Variants in CLNK observed in about 807,000 individuals in gnomAD.
CLNK encodes the protein cytokine dependent hematopoietic cell linker.
CLNK carries 74 observed loss-of-function variants against 68.6 expected under a neutral mutation model. That is an observed-to-expected ratio of 1.08 (90% CI 0.89 to 1.31). The LOEUF (loss-of-function observed/expected upper bound fraction) is 1.31, where lower values mean the gene tolerates loss of function less well. CLNK is among the 50% of genes most tolerant of loss of function. CLNK has a pLI of 0.00. For synonymous variants in CLNK, 198 were observed against 172.2 expected, an observed-to-expected ratio of 1.15 and a Z score of -1.17; for missense variants, 553 against 515.3, an observed-to-expected ratio of 1.07 and a Z score of -0.71.
chr4:10,608,887 C>T (rs979822190), intron 2 of CLNK, among the ~76,000 whole-genome samples: 1 of 152,154 alleles, frequency 6.6e-6, no homozygotes, highest in African/African-American at 2.4e-5. Flanking sequence ...AGCCTGTTTC[C>T]TGATTTGCAG....
intron 2 of CLNK, among the ~76,000 whole-genome samples, chr4:10,666,098 G>A (rs1035263975): frequency 3.3e-5 from 5 of 152,150 alleles, no homozygotes; most frequent in African/African-American, 9.6e-5. Context: ...ATGCGGCCAC[G>A]GGCAAGGAAA....
chr4:10,719,595 G>A, the CLNK span, among the ~76,000 whole-genome samples: 1 of 152,012 alleles, frequency 6.6e-6, no homozygotes, highest in African/African-American at 2.4e-5. Flanking sequence ...ATTAAAAGAA[G>A]AAATAGATGA....
At chr4:10,548,427 C>G (rs1719320768) in intron 8 of CLNK, among the ~76,000 whole-genome samples, 1 of 152,126 alleles carries the variant, frequency 6.6e-6, no homozygotes. Flanking sequence ...ATATAGTTTG[C>G]AAATATTTTC....
chr4:10,696,509 C>G, the CLNK span, among the ~76,000 whole-genome samples: 1 of 152,190 alleles, frequency 6.6e-6, no homozygotes, highest in East Asian at 1.9e-4. Flanking sequence ...AGCTGAAACT[C>G]TGTGGGTTTT....
At chr4:10,662,993 A>C (rs2092433980) in intron 2 of CLNK, among the ~76,000 whole-genome samples, 1 of 152,322 alleles carries the variant, frequency 6.6e-6, no homozygotes, top group Admixed American at 6.5e-5. Context: ...CCAAATTCCC[A>C]AAAGAGCCTG....
At position 10,589,990 on chromosome 4, in the gene CLNK, C is replaced by A. The variant is rs971421016; in HGVS notation, c.84-5035G>T. Among the ~76,000 whole-genome samples the A allele has an allele frequency of 7.9e-5, 12 of 152,276 alleles. No individual in the cohort carries two copies. The East Asian group carries it at 2.1e-3, about 27-fold the overall frequency. On this transcript the variant is annotated intron_variant, in intron 3 of 18. Coordinates refer to ENST00000226951, the MANE Select transcript of CLNK (RefSeq NM_052964.4). ...CTGGATGGTGTTATAACTTGGCAGC[C>A]ACCCTTCTGCCTTCCCTATCTCTGC...
At chr4:10,666,255 A>G (rs559882367) in intron 2 of CLNK, among the ~76,000 whole-genome samples, 1 of 152,342 alleles carries the variant, frequency 6.6e-6, no homozygotes, top group South Asian at 2.1e-4. Flanking sequence ...GAATCCATGC[A>G]GGTGGTGGTA....
chr4:10,540,937 A>G (rs951694330), intron 10 of CLNK, among the ~76,000 whole-genome samples: 2 of 152,130 alleles, frequency 1.3e-5, no homozygotes, highest in Non-Finnish European at 2.9e-5. Context: ...AAAAGTGGCC[A>G]GGCATGGTGG....
intron 4 of CLNK, among the ~76,000 whole-genome samples, chr4:10,571,986 A>G (rs1043439730): frequency 2.6e-5 from 4 of 152,246 alleles, no homozygotes; most frequent in African/African-American, 9.6e-5. Context: ...ACAGGAGAAA[A>G]GGAAGCAGAA....
At chr4:10,553,275 C>T (rs959437678) in intron 8 of CLNK, among the ~76,000 whole-genome samples, 10 of 152,150 alleles carry the variant, frequency 6.6e-5, no homozygotes, top group African/African-American at 2.2e-4. Context: ...AGAATGTGAT[C>T]CCAGAAAAAG....
At position 10,498,463 on chromosome 4, in the gene CLNK, G is replaced by A. The variant is rs1279481020; in HGVS notation, c.1140+2793C>T. Among the ~76,000 whole-genome samples the A allele has an allele frequency of 3.9e-5, 6 of 152,320 alleles. No individual in the cohort carries two copies. The East Asian group carries it at 9.6e-4, about 24-fold the overall frequency. On this transcript the variant is annotated intron_variant, in intron 18 of 18. Transcript: ENST00000226951. ...GCCGAGATCGCGCCACTGCACTCCA[G>A]CCTGGGTGACAGAGCAAGACTCCGT...
intron 11 of CLNK, among the ~76,000 whole-genome samples, chr4:10,539,650 A>G (rs894825900): frequency 1.3e-5 from 2 of 152,232 alleles, no homozygotes; most frequent in Non-Finnish European, 2.9e-5. Context: ...GATTAGCACC[A>G]GCTGCCAAAT....
chr4:10,520,027 C>G (rs897469662), intron 15 of CLNK, among the ~76,000 whole-genome samples: 4 of 104,238 alleles, frequency 3.8e-5, no homozygotes, highest in African/African-American at 1.5e-4. Context: ...TTTGCTTCCT[C>G]CAGGCTTAAG....
At chr4:10,726,378 C>T in the CLNK span, among the ~76,000 whole-genome samples, 1 of 152,190 alleles carries the variant, frequency 6.6e-6, no homozygotes, top group Non-Finnish European at 1.5e-5. Flanking sequence ...CTTGGCCTCC[C>T]AAAGTGCTGG....
intron 1 of CLNK, among the ~76,000 whole-genome samples, chr4:10,671,356 A>T (rs2108896141): frequency 6.6e-6 from 1 of 151,272 alleles, no homozygotes; most frequent in Non-Finnish European, 1.5e-5. Flanking sequence ...ACTGCACTCC[A>T]GCCTGGGCAA....
chr4:10,507,934 T>G, intron 17 of CLNK, 25 bp downstream of exon 17: 1 of 1,562,528 alleles, frequency 6.4e-7, no homozygotes. Flanking sequence ...GAAACAATAA[T>G]GATGGGCCAC....
intron 2 of CLNK, among the ~76,000 whole-genome samples, chr4:10,620,617 T>C (rs573026824): frequency 6.6e-6 from 1 of 152,320 alleles, no homozygotes; most frequent in Admixed American, 6.5e-5. Flanking sequence ...TTGTTCTTAC[T>C]CTGCTCTCAA....
chr4:10,519,322 A>G (rs1339477385), intron 15 of CLNK, among the ~76,000 whole-genome samples: 1 of 151,930 alleles, frequency 6.6e-6, no homozygotes, highest in Non-Finnish European at 1.5e-5. Flanking sequence ...TTTGTGCATG[A>G]TTTTATATTT....
chr4:10,695,620 G>A, the CLNK span, among the ~76,000 whole-genome samples: 1,080 of 152,262 alleles, frequency 7.1e-3, 15 homozygotes, highest in African/African-American at 0.024. Context: ...TATGAGAAGG[G>A]GGATGAAACC....
Sources: allele counts gnomAD v4.1 joint callset (sites outside exome capture counted in the v4.1 genomes callset), GRCh38; gene constraint gnomAD v4.1.1; transcripts MANE v1.5; gene names NCBI Gene and HGNC (gene_info 2026-07-23, HGNC 2026-07-21).